Variants in RCAN3 observed in about 807,000 individuals in gnomAD.
RCAN3 encodes the protein calcipressin-3.
In RCAN3, 19 loss-of-function variants were observed where a neutral mutation model predicts 21.9. That is an observed-to-expected ratio of 0.87 (90% confidence interval 0.61 to 1.27). The LOEUF (loss-of-function observed/expected upper bound fraction) is 1.27, where lower values mean the gene tolerates loss of function less well. Ranked by LOEUF, RCAN3 falls within the 50% of genes most tolerant of loss-of-function variation. The pLI is 0.00. For missense variants in RCAN3, 240 were observed against 300.1 expected, an observed-to-expected ratio of 0.80 and a Z score of 1.48; for synonymous variants, 114 against 112.3, an observed-to-expected ratio of 1.01 and a Z score of -0.09.
intron 2 of RCAN3, among the ~76,000 whole-genome samples, chr1:24,520,952 A>G (rs1223761070): frequency 6.6e-6 from 1 of 152,210 alleles, no homozygotes; most frequent in Non-Finnish European, 1.5e-5. Context: ...AGAAATAGAA[A>G]ACCTACCCTG....
At chr1:24,531,955 G>A (rs1250982109) in intron 3 of RCAN3, among the ~76,000 whole-genome samples, 1 of 151,976 alleles carries the variant, frequency 6.6e-6, no homozygotes. Context: ...TGAGAAGAGT[G>A]GGCAAAATCA....
chr1:24,538,588 TTTTA>T lies in RCAN3; in HGVS notation c.*3313_*3316del, dbSNP rs1288569754. ...CCCGGCTAATTTTTTTTTTTTTTTT[TTTTA>T]TAAGTAGAGACGGGGTTTCACCACG... is the stretch of plus-strand genomic sequence containing the variant. On this transcript the variant is annotated 3_prime_UTR_variant, in exon 5 of 5. Coordinates refer to ENST00000374395, the MANE Select transcript of RCAN3 (RefSeq NM_013441.4). 6.7e-6 allele frequency: 1 copy of T among 149,166 alleles called. No individual in the cohort carries two copies. Among genetic ancestry groups the T allele is most frequent in the African/African-American group, 2.5e-5 (1 of 40,510 alleles). The allele number at this position is 149,166 out of a possible 1,614,324, so 9.2% of individuals were successfully genotyped here. A position where few individuals can be genotyped will look rare whatever the true frequency, so the allele number is the denominator to read the frequency against.
intron 1 of RCAN3, among the ~76,000 whole-genome samples, chr1:24,508,278 T>G (rs1386431162): frequency 2.6e-5 from 4 of 152,230 alleles, no homozygotes; most frequent in Non-Finnish European, 5.9e-5. Context: ...GACATGGTAC[T>G]TTTCCAAACT....
intron 1 of RCAN3, among the ~76,000 whole-genome samples, chr1:24,511,298 G>A (rs1257587087): frequency 1.3e-5 from 2 of 152,140 alleles, no homozygotes; most frequent in Non-Finnish European, 2.9e-5. Context: ...GGGCGACAAA[G>A]CAAGACTCCG....
At chr1:24,518,860 G>A (rs1414717675) in intron 2 of RCAN3, among the ~76,000 whole-genome samples, 1 of 151,900 alleles carries the variant, frequency 6.6e-6, no homozygotes, top group Non-Finnish European at 1.5e-5. Context: ...TGCAACCTCT[G>A]CCTCCCGGGT....
chr1:24,538,604 G>A lies in RCAN3; in HGVS notation c.*3327G>A, dbSNP rs1312247330. ...TTTTTTTTTTTTTATAAGTAGAGACGGGGTTTCACCACGTTAGCCAGGATG... is the reference window on the plus strand; with the variant it reads ...TTTTTTTTTTTTTATAAGTAGAGACAGGGTTTCACCACGTTAGCCAGGATG... On this transcript the variant is annotated 3_prime_UTR_variant, in exon 5 of 5. Transcript: ENST00000374395. The A allele has an allele frequency of 4.8e-5, 7 of 146,204 alleles. No homozygotes were observed. Among genetic ancestry groups the A allele is most frequent in the East Asian group, 4.0e-4 (2 of 5,048 alleles). 9.1% of individuals were successfully genotyped at this position (146,204 alleles called of 1,614,324 possible).
chr1:24,517,201 G>T (rs561385109), intron 2 of RCAN3, among the ~76,000 whole-genome samples: 137 of 151,570 alleles, frequency 9.0e-4, no homozygotes, highest in Admixed American at 1.6e-3. Context: ...TGCAACCTCC[G>T]CCTCCCAGGT....
chr1:24,533,042 C>T (rs1172871801), intron 3 of RCAN3, 41 bp from the exon 4 acceptor site: 21 of 1,344,546 alleles, frequency 1.6e-5, no homozygotes, highest in Non-Finnish European at 2.0e-5. Context: ...GAAAACATAG[C>T]CCGGTTTGCA....
At chr1:24,502,425 A>G (rs1647185694), upstream of RCAN3, 1 of 152,660 alleles carries the variant, frequency 6.6e-6, no homozygotes, top group East Asian at 1.9e-4. Flanking sequence ...ACAGCATCTG[A>G]TAATATCCGG....
intron 3 of RCAN3, among the ~76,000 whole-genome samples, chr1:24,532,424 A>G (rs1394460296): frequency 6.6e-5 from 10 of 151,350 alleles, no homozygotes; most frequent in Admixed American, 6.6e-4. Context: ...ATAGAGTTTC[A>G]CCATGTTGGC....
chr1:24,514,595 A>C, intron 2 of RCAN3, 28 bp downstream of exon 2: 3 of 1,596,586 alleles, frequency 1.9e-6, no homozygotes, highest in Non-Finnish European at 2.6e-6. Context: ...CTTTCCCTAC[A>C]TTTGTAGCAT....
At chr1:24,526,165 C>T (rs1173266824) in intron 2 of RCAN3, among the ~76,000 whole-genome samples, 1 of 152,086 alleles carries the variant, frequency 6.6e-6, no homozygotes, top group Admixed American at 6.6e-5. Flanking sequence ...GATTGTGGCT[C>T]ACTGCGGCCT....
intron 2 of RCAN3, among the ~76,000 whole-genome samples, chr1:24,520,272 G>T (rs1648678314): frequency 6.6e-6 from 1 of 152,140 alleles, no homozygotes. Context: ...TAGTAATTTA[G>T]TTAGCTTTGA....
rs1410990232 is a variant in RCAN3 at position 24,537,273 on chromosome 1, T to G, written c.*1996T>G. 6.6e-6 allele frequency: 1 copy of G among 152,136 alleles called. No individual in the cohort carries two copies. The highest frequency in any genetic ancestry group is 1.5e-5 in the Non-Finnish European group (1 of 68,022). The allele number at this position is 152,136 out of a possible 1,614,324, so 9.4% of individuals were successfully genotyped here. A position where few individuals can be genotyped will look rare whatever the true frequency, so the allele number is the denominator to read the frequency against. On this transcript the variant is annotated 3_prime_UTR_variant, in exon 5 of 5. Coordinates refer to ENST00000374395, the MANE Select transcript of RCAN3 (RefSeq NM_013441.4). ...GCAAATTACAGTGCTTTTCTATTTT[T>G]TTTTTGAGAGCCTTGAATAAATTGA...
At chr1:24,512,174 C>T (rs1647944649) in intron 1 of RCAN3, among the ~76,000 whole-genome samples, 3 of 151,906 alleles carry the variant, frequency 2.0e-5, no homozygotes, top group Non-Finnish European at 4.4e-5. Flanking sequence ...ACATGTGAAA[C>T]CCTGTCTCTA....
chr1:24,512,168 G>A (rs1039344165), intron 1 of RCAN3, among the ~76,000 whole-genome samples: 2 of 151,914 alleles, frequency 1.3e-5, no homozygotes, highest in African/African-American at 4.8e-5. Context: ...TGGCCAACAT[G>A]TGAAACCCTG....
At position 24,525,330 on chromosome 1, in the gene RCAN3, ATGAC is replaced by A. The variant is rs1348143121; in HGVS notation, c.196-5882_196-5879del. 2.0e-5 allele frequency among the ~76,000 whole-genome samples: 3 copies of A among 152,170 alleles called. No individual in the cohort carries two copies. Among genetic ancestry groups the A allele is most frequent in the African/African-American group, 2.4e-5 (1 of 41,438 alleles). On this transcript the variant is annotated intron_variant, in intron 2 of 4. Transcript: ENST00000374395. The surrounding 1 kb of genome is among the most constrained non-coding windows in gnomAD (Gnocchi z 4.1). ...GTACAAGGTATGTACTGTCATTTTGATGACTGACTAACTGCACAGGTGATCTTAG... is the reference window on the plus strand; with the variant it reads ...GTACAAGGTATGTACTGTCATTTTGATGACTAACTGCACAGGTGATCTTAG...
At chr1:24,510,947 G>T (rs952593503) in intron 1 of RCAN3, among the ~76,000 whole-genome samples, 1 of 152,162 alleles carries the variant, frequency 6.6e-6, no homozygotes, top group African/African-American at 2.4e-5. Flanking sequence ...AGAGTAGGGA[G>T]CCCGAGGAGA....
At position 24,537,465 on chromosome 1, in the gene RCAN3, G is replaced by C. The variant is rs1179707381; in HGVS notation, c.*2188G>C. Reference sequence around the variant, plus strand: ...TGTGAAATGAACCAGGATCTTAACAGATACTATCATCGCTGTCCTTTTTTG... The same window carrying C: ...TGTGAAATGAACCAGGATCTTAACACATACTATCATCGCTGTCCTTTTTTG... On this transcript the variant is annotated 3_prime_UTR_variant, in exon 5 of 5. Coordinates refer to ENST00000374395, the MANE Select transcript of RCAN3 (RefSeq NM_013441.4). 1 of 152,048 alleles carries C rather than the reference G, an allele frequency of 6.6e-6. No individual in the cohort carries two copies. Among genetic ancestry groups the C allele is most frequent in the Non-Finnish European group, 1.5e-5 (1 of 68,010 alleles). The allele number at this position is 152,048 out of a possible 1,614,324, so 9.4% of individuals were successfully genotyped here. A position where few individuals can be genotyped will look rare whatever the true frequency, so the allele number is the denominator to read the frequency against.
Sources: gnomAD v4.1 joint callset for allele counts (sites outside exome capture counted in the v4.1 genomes callset) on GRCh38, gnomAD v4.1.1 for gene constraint, Gnocchi (gnomAD v3.1) non-coding constraint, MANE v1.5 for transcripts, NCBI Gene and HGNC (gene_info 2026-07-23, HGNC 2026-07-21) for gene names.